DST: variants seen among roughly 807,000 people sequenced by gnomAD.
DST encodes bullous pemphigoid antigen.
A neutral mutation model predicts 875.2 loss-of-function variants in DST; 253 were observed. The observed-to-expected ratio is 0.29, with a 90% CI of 0.26 to 0.32. The LOEUF (loss-of-function observed/expected upper bound fraction) is 0.32. Ranked by LOEUF, DST falls within the 10% of genes least tolerant of loss-of-function variation. The pLI, the probability that DST is intolerant of heterozygous loss-of-function variation, is 1.00. For missense variants in DST, 8,287 were observed against 9,111.6 expected, an observed-to-expected ratio of 0.91 and a Z score of 3.68; for synonymous variants, 3,124 against 3,197.1, an observed-to-expected ratio of 0.98 and a Z score of 0.77.
intron 49 of DST, among the ~76,000 whole-genome samples, chr6:56,587,104 A>G (rs1017009350): frequency 3.3e-5 from 5 of 152,192 alleles, no homozygotes; most frequent in African/African-American, 1.2e-4. Context: ...CAGACGATCA[A>G]ACTACTCCGA....
rs41271854 is a variant in DST, at chr6:56,469,078, A to C, written c.22552-79T>G. ...CTGTATGACTCTAGAACATACACACATACTCACACTCTGTGCTTCTGGATG... is the reference window on the plus strand; with the variant it reads ...CTGTATGACTCTAGAACATACACACCTACTCACACTCTGTGCTTCTGGATG... On this transcript the variant is annotated intron_variant, in intron 97 of 103. Coordinates refer to ENST00000680361, the MANE Select transcript of DST (RefSeq NM_001374736.1). 0.036 allele frequency: 39,986 copies of C among 1,113,196 alleles called. 940 individuals carry two copies. The highest frequency in any genetic ancestry group is 0.045 in the Non-Finnish European group (34,170 of 763,310). The allele number at this position is 1,113,196 out of a possible 1,614,324, so 69.0% of individuals were successfully genotyped here. A position where few individuals can be genotyped will look rare whatever the true frequency, so the allele number is the denominator to read the frequency against.
intron 93 of DST, among the ~76,000 whole-genome samples, chr6:56,473,599 T>C (rs2095013265): frequency 6.6e-6 from 1 of 152,194 alleles, no homozygotes; most frequent in Non-Finnish European, 1.5e-5. Context: ...ATGATTTCCA[T>C]TCTTACTGTA....
chr6:56,501,154 C>T lies in DST; in HGVS notation c.19822G>A (p.Glu6608Lys), dbSNP rs752623511. ...DELLAWLTHT[E>K]GLLSEQKPVG... ...GGTTTCTGCTCACTTAGCAAGCCCT[C>T]GGTGTGTGTCAGCCATGCCAGGAGC... The change falls in exon 80 of 104, where the codon GAG (glutamate) becomes AAG (lysine). Residue 6608 changes from glutamate to lysine, a missense_variant. Glu to Lys is a moderately conservative substitution (Grantham distance 56). Transcript: ENST00000680361. 6.8e-6 allele frequency: 11 copies of T among 1,612,666 alleles called. No individual in the cohort carries two copies. The Admixed American group carries it at 8.4e-5, about 12-fold the overall frequency.
At chr6:56,882,651 A>C (rs1782763536) in intron 3 of DST, among the ~76,000 whole-genome samples, 1 of 152,252 alleles carries the variant, frequency 6.6e-6, no homozygotes, top group Non-Finnish European at 1.5e-5. Context: ...TGTAATGCCA[A>C]TATTAAAGAT....
At chr6:56,572,495 T>C (rs2097793295) in intron 52 of DST, among the ~76,000 whole-genome samples, 1 of 152,202 alleles carries the variant, frequency 6.6e-6, no homozygotes. Context: ...TGTCTCTTTG[T>C]GGCTTCTGGT....
At chr6:56,765,090 A>C (rs1174984335) in intron 4 of DST, among the ~76,000 whole-genome samples, 2 of 152,148 alleles carry the variant, frequency 1.3e-5, no homozygotes, top group African/African-American at 4.8e-5. Flanking sequence ...TAAGAGTAGG[A>C]ATAACTTATT....
Position 56,501,627 on chromosome 6 carries a change from A to G in DST, c.19633T>C (p.Leu6545=), listed in dbSNP as rs755048450. ...CTCTCTTCTGTTACTTTCTTTAGCA[A>G]AAGCTCTGCTTGATGATTCAGTCTT... ...MERLNHQAEL[L]LKKVTEESDK... The change falls in exon 79 of 104, where the codon TTG becomes CTG. Residue 6545 remains leucine, a synonymous_variant. Coordinates refer to ENST00000680361, the MANE Select transcript of DST (RefSeq NM_001374736.1). The G allele has an allele frequency of 3.1e-6, 5 of 1,609,398 alleles. No homozygotes were observed. In the East Asian group the frequency reaches 9.0e-5, roughly 29 times the overall value.
chr6:56,843,883 G>A (rs1207514766), intron 4 of DST: 1 of 185,160 alleles, frequency 5.4e-6, no homozygotes, highest in Non-Finnish European at 1.0e-5. Flanking sequence ...CCCTCCCCAG[G>A]CCCGCCCACC....
rs947868244 is a variant in DST at position 56,735,219 on chromosome 6, A to C, written c.687+9T>G. Reference sequence around the variant, plus strand: ...ACAATTCCAGGAAGTGAACGAAATAAAAACTGACCTTCATGAGATGCTGAT... The same window carrying C: ...ACAATTCCAGGAAGTGAACGAAATACAAACTGACCTTCATGAGATGCTGAT... On this transcript the variant is annotated intron_variant, in intron 5 of 103. Transcript: ENST00000680361. 2.7e-5 allele frequency: 41 copies of C among 1,536,668 alleles called. No individual in the cohort carries two copies. The highest frequency in any genetic ancestry group is 3.4e-5 in the Non-Finnish European group (39 of 1,133,262).
At chr6:56,697,092 AC>A (rs1178650007) in intron 9 of DST, among the ~76,000 whole-genome samples, 2 of 152,136 alleles carry the variant, frequency 1.3e-5, no homozygotes, top group South Asian at 2.1e-4. Context: ...CATCAAGCCC[AC>A]CCAGAAAGTA....
At chr6:56,754,862 G>T (rs958513519) in intron 4 of DST, among the ~76,000 whole-genome samples, 1 of 152,004 alleles carries the variant, frequency 6.6e-6, no homozygotes, top group African/African-American at 2.4e-5. Context: ...CATAAGTCCT[G>T]AATAATTTCA....
rs138576576 is a variant in DST, at chr6:56,618,028, G to T, written c.4930-3544C>A. ...CCTTCACCAGTTCCATTTCACATGC[G>T]TTATCTTGATACCTAACAGGTGGTC... On this transcript the variant is annotated intron_variant, in intron 36 of 103. Transcript: ENST00000680361. 4.3e-6 allele frequency: 7 copies of T among 1,614,002 alleles called. No homozygotes were observed. In the Admixed American group the frequency reaches 8.3e-5, roughly 19 times the overall value.
At chr6:56,594,351 G>A (rs1004368530) in intron 47 of DST, among the ~76,000 whole-genome samples, 158 bp from the exon 48 acceptor site, 1 of 151,984 alleles carries the variant, frequency 6.6e-6, no homozygotes, top group Non-Finnish European at 1.5e-5. Context: ...CCCTTTTATT[G>A]GTGGATTTCA....
At chr6:56,611,430 T>G in intron 38 of DST, 78 bp downstream of exon 38, 1 of 949,188 alleles carries the variant, frequency 1.1e-6, no homozygotes, top group East Asian at 2.4e-5. Context: ...CAATTAAAAT[T>G]TACCACCTCT....
rs1354751259 is a variant in DST, at chr6:56,573,695, A to C, written c.13220T>G (p.Ile4407Ser). The change falls in exon 51 of 104, where the codon ATT (isoleucine) becomes AGT (serine). Residue 4407 changes from isoleucine (I) to serine (S), a missense_variant. Ile to Ser is a moderately radical substitution (Grantham distance 142). Coordinates refer to ENST00000680361, the MANE Select transcript of DST (RefSeq NM_001374736.1). ...GTCACTTACAATGTTTTTACTGATA[A>C]TATCCTGAAGAGCAGTAGAGTTTAA... ...VPLNSTALQD[I>S]ISKNIMLEQD... 1 of 1,612,998 alleles carries C rather than the reference A, an allele frequency of 6.2e-7. No individual in the cohort carries two copies. The highest frequency in any genetic ancestry group is 8.5e-7 in the Non-Finnish European group (1 of 1,179,136).
intron 49 of DST, among the ~76,000 whole-genome samples, chr6:56,583,620 T>G (rs578201850): frequency 3.3e-5 from 5 of 152,350 alleles, no homozygotes; most frequent in Admixed American, 2.0e-4. Flanking sequence ...ATTTGTCAAT[T>G]TTGGCTTTTG....
chr6:56,513,510 G>C (rs61417957), intron 72 of DST, among the ~76,000 whole-genome samples: 4 of 149,606 alleles, frequency 2.7e-5, no homozygotes, highest in Admixed American at 6.6e-5. Context: ...GATTACAGGC[G>C]TGAGTCACCA....
intron 15 of DST, among the ~76,000 whole-genome samples, chr6:56,645,649 T>A (rs1300452554): frequency 1.3e-5 from 2 of 152,194 alleles, no homozygotes; most frequent in South Asian, 4.1e-4. Flanking sequence ...AGACTTCACA[T>A]ACCAATCCAG....
At chr6:56,899,475 T>G (rs1477250448) in intron 3 of DST, among the ~76,000 whole-genome samples, 1 of 152,190 alleles carries the variant, frequency 6.6e-6, no homozygotes, top group Admixed American at 6.5e-5. Context: ...AGTCTCCACA[T>G]GTGCCTGCCA....
Sources: allele counts gnomAD v4.1 joint callset (sites outside exome capture counted in the v4.1 genomes callset), GRCh38; gene constraint gnomAD v4.1.1; transcripts MANE v1.5; gene names NCBI Gene and HGNC (gene_info 2026-07-23, HGNC 2026-07-21).